TNNI3K: variants seen among roughly 807,000 people sequenced by gnomAD.
TNNI3K encodes TNNI3 interacting kinase.
In TNNI3K, 140 loss-of-function variants were observed where a neutral mutation model predicts 114.5. That is an observed-to-expected ratio of 1.22 (90% confidence interval 1.07 to 1.41). The LOEUF (loss-of-function observed/expected upper bound fraction) is 1.41. Ranked by LOEUF, TNNI3K falls within the 40% of genes most tolerant of loss-of-function variation. The pLI is 0.00. For missense variants in TNNI3K, 1,125 were observed against 1,007.6 expected (o/e 1.12, Z -1.58); for synonymous variants, 347 against 347.5 (o/e 1.00, Z 0.02).
intron 17 of TNNI3K, among the ~76,000 whole-genome samples, chr1:74,429,692 A>T (rs1238641745): frequency 6.6e-6 from 1 of 152,168 alleles, no homozygotes; most frequent in East Asian, 1.9e-4. Flanking sequence ...ACTCCTTAGC[A>T]TCAGGTTTGA....
chr1:74,542,218 G>T lies in TNNI3K; in HGVS notation c.2432-1688G>T, dbSNP rs188615279. Among the ~76,000 whole-genome samples the T allele has an allele frequency of 1.2e-3, 178 of 152,194 alleles. 2 individuals carry two copies. Among genetic ancestry groups the T allele is most frequent in the Non-Finnish European group, 4.4e-4 (30 of 67,988 alleles). ...GAGGGTAGAGCCCACCCACCCTTTG[G>T]GGACATATGTCCACAATCAAATTTC... On this transcript the variant is annotated intron_variant, in intron 24 of 24. Coordinates refer to ENST00000326637, the MANE Select transcript of TNNI3K (RefSeq NM_015978.3).
intron 23 of TNNI3K, among the ~76,000 whole-genome samples, chr1:74,500,480 T>A (rs1187622535): frequency 1.3e-5 from 2 of 150,420 alleles, no homozygotes; most frequent in East Asian, 3.9e-4. Context: ...GGCGGGCGCC[T>A]GTAGTCCCAG....
chr1:74,320,205 T>A (rs1557494893), intron 5 of TNNI3K, among the ~76,000 whole-genome samples: 1 of 152,218 alleles, frequency 6.6e-6, no homozygotes, highest in Non-Finnish European at 1.5e-5. Context: ...TTTACCACCA[T>A]TATGCTTACT....
chr1:74,517,714 A>G (rs1646369466), intron 23 of TNNI3K, among the ~76,000 whole-genome samples: 1 of 152,154 alleles, frequency 6.6e-6, no homozygotes, highest in South Asian at 2.1e-4. Flanking sequence ...CGACTGGTAA[A>G]CCGAAAAAGG....
At chr1:74,477,617 A>G (rs1233299846) in intron 21 of TNNI3K, among the ~76,000 whole-genome samples, 2 of 152,228 alleles carry the variant, frequency 1.3e-5, no homozygotes, top group South Asian at 2.1e-4. Context: ...TAATTTGATT[A>G]TAGGATACAG....
chr1:74,391,742 A>C (rs1035728075), intron 17 of TNNI3K, among the ~76,000 whole-genome samples: 1 of 152,096 alleles, frequency 6.6e-6, no homozygotes, highest in Non-Finnish European at 1.5e-5. Context: ...AGAAGAGAAG[A>C]GGACCTAAGA....
intron 23 of TNNI3K, among the ~76,000 whole-genome samples, chr1:74,537,496 C>T (rs1646674029): frequency 6.6e-6 from 1 of 152,180 alleles, no homozygotes; most frequent in Admixed American, 6.6e-5. Context: ...AAGAATTAAT[C>T]AGTGTGAACT....
intron 17 of TNNI3K, chr1:74,373,901 G>T (rs1374098455): frequency 6.6e-6 from 1 of 151,830 alleles, no homozygotes; most frequent in Non-Finnish European, 1.5e-5. Context: ...ATGTCCCTTG[G>T]CATCTGCAGG....
intron 21 of TNNI3K, chr1:74,480,020 T>C: frequency 1.7e-6 from 1 of 606,056 alleles, no homozygotes; most frequent in Non-Finnish European, 2.9e-6. Context: ...GCTAATATCC[T>C]CCCACATCTA....
At chr1:74,501,519 C>T (rs1350275687) in intron 23 of TNNI3K, among the ~76,000 whole-genome samples, 1 of 143,336 alleles carries the variant, frequency 7.0e-6, no homozygotes, top group Non-Finnish European at 1.5e-5. Context: ...TTGAGACTGG[C>T]TCTGTCACCC....
At chr1:74,484,355 G>A (rs1225082640) in intron 21 of TNNI3K, among the ~76,000 whole-genome samples, 2 of 152,098 alleles carry the variant, frequency 1.3e-5, no homozygotes, top group African/African-American at 4.8e-5. Flanking sequence ...ATCACCTTCT[G>A]CATGCTAGGC....
At chr1:74,496,097 G>T (rs916203871) in intron 23 of TNNI3K, among the ~76,000 whole-genome samples, 2 of 152,146 alleles carry the variant, frequency 1.3e-5, no homozygotes, top group African/African-American at 4.8e-5. Flanking sequence ...CAAAACCCAT[G>T]GGGTTGGCAC....
intron 2 of TNNI3K, among the ~76,000 whole-genome samples, chr1:74,245,521 A>G (rs1390665638): frequency 6.6e-6 from 1 of 152,162 alleles, no homozygotes; most frequent in Non-Finnish European, 1.5e-5. Context: ...CCTCCTGCCT[A>G]TTTAAATCTC....
intron 21 of TNNI3K, 79 bp from the exon 22 acceptor site, chr1:74,489,110 T>C: frequency 1.7e-6 from 2 of 1,190,754 alleles, no homozygotes; most frequent in Non-Finnish European, 2.4e-6. Context: ...TTACAAATGC[T>C]AATACCCAAT....
chr1:74,421,820 A>G (rs1665409426), intron 17 of TNNI3K, among the ~76,000 whole-genome samples: 1 of 151,948 alleles, frequency 6.6e-6, no homozygotes, highest in Non-Finnish European at 1.5e-5. Context: ...CACTCTTAAC[A>G]TGGAATGGCC....
chr1:74,416,295 A>G (rs1304876900), intron 17 of TNNI3K: 1 of 985,260 alleles, frequency 1.0e-6, no homozygotes, highest in Non-Finnish European at 1.2e-6. Flanking sequence ...ATAAACTTGT[A>G]TGTCATTGTA....
At position 74,489,663 on chromosome 1, in the gene TNNI3K, A is replaced by G. The variant is rs1303490085; in HGVS notation, c.2181+415A>G. Among the ~76,000 whole-genome samples the G allele has an allele frequency of 2.0e-5, 3 of 152,178 alleles. No homozygotes were observed. In the East Asian group the frequency reaches 5.8e-4, roughly 29 times the overall value. On this transcript the variant is annotated intron_variant, in intron 22 of 24. Coordinates refer to ENST00000326637, the MANE Select transcript of TNNI3K (RefSeq NM_015978.3). Reference sequence around the variant, plus strand: ...AATTATCAATAAAATATGTTCATAAATTAGTTGGAATGCATTGCTTTCACA... The same window carrying G: ...AATTATCAATAAAATATGTTCATAAGTTAGTTGGAATGCATTGCTTTCACA...
intron 5 of TNNI3K, among the ~76,000 whole-genome samples, chr1:74,329,552 C>T (rs1304438893): frequency 1.3e-5 from 2 of 151,990 alleles, no homozygotes; most frequent in Admixed American, 1.3e-4. Context: ...CCAATGCTAT[C>T]CCCGAGTGAA....
chr1:74,253,634 G>A (rs1655092344), intron 4 of TNNI3K, among the ~76,000 whole-genome samples: 1 of 152,100 alleles, frequency 6.6e-6, no homozygotes, highest in African/African-American at 2.4e-5. Context: ...CGGCCGCTCG[G>A]AGTGCGGGCC....
Sources: gnomAD v4.1 joint callset for allele counts (sites outside exome capture counted in the v4.1 genomes callset) on GRCh38, gnomAD v4.1.1 for gene constraint, MANE v1.5 for transcripts, NCBI Gene and HGNC (gene_info 2026-07-23, HGNC 2026-07-21) for gene names.